Variants in ITPA observed in about 807,000 individuals in gnomAD.
ITPA encodes inosine triphosphate pyrophosphatase.
ITPA carries 29 observed loss-of-function variants against 29.6 expected under a neutral mutation model. The observed-to-expected ratio is 0.98, with a 90% confidence interval of 0.73 to 1.34. The LOEUF is 1.34. ITPA is among the 40% of genes most tolerant of loss of function. The probability of loss-of-function intolerance (pLI) is 0.00; values close to 1 mark genes in which losing one functional copy is unlikely to be tolerated. For missense variants in ITPA, 241 were observed against 251.5 expected, an observed-to-expected ratio of 0.96 and a Z score of 0.28; for synonymous variants, 103 against 99.3, an observed-to-expected ratio of 1.04 and a Z score of -0.22.
chr20:3,214,875 G>A (rs760231542), intron 4 of ITPA, among the ~76,000 whole-genome samples: 5 of 151,818 alleles, frequency 3.3e-5, no homozygotes, highest in African/African-American at 7.2e-5. Flanking sequence ...CACCGCGCCC[G>A]GCCTGTATTT....
At chr20:3,204,770 A>C (rs1002929748), upstream of ITPA, 8 of 751,576 alleles carry the variant, frequency 1.1e-5, no homozygotes, top group Non-Finnish European at 1.7e-5. Context: ...AATGTCAGAC[A>C]TTAAAATGAG....
At chr20:3,214,107 C>T in intron 4 of ITPA, 49 bp downstream of exon 4, 1 of 1,521,414 alleles carries the variant, frequency 6.6e-7, no homozygotes. Context: ...CCAAAACCAC[C>T]AGAACTGCAA....
Position 3,221,320 on chromosome 20 carries a change from C to T in ITPA, c.412-521C>T, listed in dbSNP as rs2422863. Among the ~76,000 whole-genome samples, 137,206 of 151,950 alleles carry T rather than the reference C, an allele frequency of 0.9. 62,135 individuals are homozygous for T. Among genetic ancestry groups the T allele is most frequent in the East Asian group, 1 (5,175 of 5,180 alleles). On this transcript the variant is annotated intron_variant, in intron 6 of 7. Transcript: ENST00000380113. ...TGGAATTTCCCTACTACAGCCAGTA[C>T]GTATTGTACTCACTAATGTGTTCAT...
upstream of ITPA, among the ~76,000 whole-genome samples, chr20:3,204,113 T>TG (rs2067054652): frequency 6.6e-6 from 1 of 152,076 alleles, no homozygotes; most frequent in African/African-American, 2.4e-5. Flanking sequence ...CTCCAGCTCG[T>TG]GGGGGACAGG....
At chr20:3,222,750 A>C (rs1382307164) in intron 7 of ITPA, among the ~76,000 whole-genome samples, 2 of 152,350 alleles carry the variant, frequency 1.3e-5, no homozygotes, top group East Asian at 3.9e-4. Flanking sequence ...AGCAGGGGTG[A>C]GGACATTGTG....
At chr20:3,225,147 GAGCCGT>G (rs2067541623), downstream of ITPA, among the ~76,000 whole-genome samples, 1 of 152,180 alleles carries the variant, frequency 6.6e-6, no homozygotes, top group South Asian at 2.1e-4. Context: ...AGGCTGCAGT[GAGCCGT>G]GATTGCGCCA....
intron 6 of ITPA, 125 bp downstream of exon 6, chr20:3,218,757 C>G: frequency 5.5e-6 from 4 of 731,424 alleles, no homozygotes; most frequent in Non-Finnish European, 9.7e-6. Context: ...ATATCTGTGC[C>G]TTGCTGAGAG....
rs752100640 is a variant in ITPA, at chr20:3,209,732, C to T, written c.66+115C>T. 1.5e-5 allele frequency: 13 copies of T among 862,878 alleles called. No individual in the cohort carries two copies. Among genetic ancestry groups the T allele is most frequent in the Non-Finnish European group, 2.4e-5 (13 of 540,654 alleles). The allele number at this position is 862,878 out of a possible 1,614,324, so 53.5% of individuals were successfully genotyped here. A position where few individuals can be genotyped will look rare whatever the true frequency, so the allele number is the denominator to read the frequency against. ...GGCATGGAGAGAGAACAGAATTCAG[C>T]CCGGAAGAATGGGTCCTGACCCGGC... On this transcript the variant is annotated intron_variant, in intron 1 of 7. Transcript: ENST00000380113. This position sits in a 1 kb window ranked among gnomAD's most constrained non-coding sequence, Gnocchi z 4.6.
chr20:3,204,071 CT>C (rs909957682), upstream of ITPA, among the ~76,000 whole-genome samples: 2 of 152,208 alleles, frequency 1.3e-5, no homozygotes, highest in Non-Finnish European at 2.9e-5. Flanking sequence ...AGGGAGAGAG[CT>C]TCAGGAATTT....
chr20:3,207,995 C>CAA (rs71195826), upstream of ITPA, among the ~76,000 whole-genome samples: 13 of 116,444 alleles, frequency 1.1e-4, no homozygotes, highest in Admixed American at 2.0e-4. Flanking sequence ...GACTCCGTCT[C>CAA]AAAAAAAAAA....
At chr20:3,204,860 G>GT (rs534458208), upstream of ITPA, among the ~76,000 whole-genome samples, 1,736 of 147,528 alleles carry the variant, frequency 0.012, 24 homozygotes, top group African/African-American at 0.03. Flanking sequence ...ATCTATGTAT[G>GT]TTTTTTTTTT....
upstream of ITPA, chr20:3,209,143 C>T (rs2067113422): frequency 3.2e-6 from 1 of 317,276 alleles, no homozygotes; most frequent in Non-Finnish European, 6.1e-6. The surrounding 1 kb of genome is among the most constrained non-coding windows in gnomAD (Gnocchi z 4.6). Flanking sequence ...GTTTGGAAGC[C>T]CTTGCCTAGA....
rs777742268 is a variant in ITPA, at chr20:3,210,400, G to T, written c.66+783G>T. Among the ~76,000 whole-genome samples the T allele has an allele frequency of 2.5e-3, 383 of 152,298 alleles. 2 individuals are homozygous for T. Among genetic ancestry groups the T allele is most frequent in the Non-Finnish European group, 2.7e-3 (186 of 68,026 alleles). On this transcript the variant is annotated intron_variant, in intron 1 of 7. Transcript: ENST00000380113. ...GGATGGAACAATGAGGCTTCTACCA[G>T]ATATCAGCTCCGACTGGCTTTGCTT...
intron 1 of ITPA, among the ~76,000 whole-genome samples, 173 bp from the exon 2 acceptor site, chr20:3,212,996 G>A (rs2067207418): frequency 6.6e-6 from 1 of 152,030 alleles, no homozygotes; most frequent in Admixed American, 6.6e-5. Context: ...AGATGGAAGG[G>A]GCTGGCTTGC....
downstream of ITPA, among the ~76,000 whole-genome samples, chr20:3,226,601 C>A (rs530921743): frequency 6.6e-6 from 1 of 152,372 alleles, no homozygotes; most frequent in East Asian, 1.9e-4. The surrounding 1 kb of genome is among the most constrained non-coding windows in gnomAD (Gnocchi z 4.4). Flanking sequence ...TTCCCCTGTT[C>A]ACGGCCTCTG....
intron 5 of ITPA, 87 bp downstream of exon 5, chr20:3,215,399 G>C (rs1315331980): frequency 5.6e-6 from 7 of 1,255,754 alleles, no homozygotes; most frequent in Non-Finnish European, 8.2e-6. Context: ...TAGTAATCAG[G>C]AGTCCCAGGT....
At chr20:3,222,746 G>T (rs552002714) in intron 7 of ITPA, among the ~76,000 whole-genome samples, 2 of 152,320 alleles carry the variant, frequency 1.3e-5, no homozygotes, top group African/African-American at 4.8e-5. Flanking sequence ...CCCCAGCAGG[G>T]GTGAGGACAT....
chr20:3,218,711 C>T, intron 6 of ITPA, 79 bp downstream of exon 6: 3 of 1,135,024 alleles, frequency 2.6e-6, no homozygotes, highest in Non-Finnish European at 4.0e-6. Context: ...CCCGAGTCTG[C>T]GGGAGGGTGG....
chr20:3,218,703 C>G, intron 6 of ITPA, 71 bp downstream of exon 6: 16 of 1,216,548 alleles, frequency 1.3e-5, no homozygotes, highest in Middle Eastern at 1.9e-4. Flanking sequence ...CCGACCGCCC[C>G]GAGTCTGCGG....
Sources: gnomAD v4.1 joint callset for allele counts (sites outside exome capture counted in the v4.1 genomes callset) on GRCh38, gnomAD v4.1.1 for gene constraint, Gnocchi (gnomAD v3.1) non-coding constraint, MANE v1.5 for transcripts, NCBI Gene and HGNC (gene_info 2026-07-23, HGNC 2026-07-21) for gene names.